The following MARCHF7 variants were observed in gnomAD, a reference collection of about 807,000 sequenced individuals.
The protein encoded by MARCHF7 is E3 ubiquitin-protein ligase MARCHF7.
In MARCHF7, 20 loss-of-function variants were observed where a neutral mutation model predicts 76.5. That is an observed-to-expected ratio of 0.26 (90% CI 0.18 to 0.38). The LOEUF (loss-of-function observed/expected upper bound fraction) is 0.38, where lower values mean the gene tolerates loss of function less well. Ranked by LOEUF, MARCHF7 falls within the 10% of genes least tolerant of loss-of-function variation. MARCHF7 has a pLI of 1.00. For synonymous variants in MARCHF7, 295 were observed against 293.0 expected (o/e 1.01, Z -0.07); for missense variants, 797 against 812.9 (o/e 0.98, Z 0.24).
Position 159,767,291 on chromosome 2 carries a change from G to A in MARCHF7, c.2064G>A (p.Glu688=), listed in dbSNP as rs1170570087. Residue 688 remains glutamate (E), a synonymous_variant, in exon 12 of 12, where the codon GAG becomes GAA. Transcript: ENST00000409175. ...QAHMEDLETS[E]DDSEEDGDHN... ...CCTGTTTTCTTTCAACAGCTTCAGAGGATGATTCCGAAGAAGACGGAGACC... is the reference window on the plus strand; with the variant it reads ...CCTGTTTTCTTTCAACAGCTTCAGAAGATGATTCCGAAGAAGACGGAGACC... The A allele has an allele frequency of 1.2e-6, 2 of 1,609,548 alleles. No homozygotes were observed. The highest frequency in any genetic ancestry group is 1.7e-6 in the Non-Finnish European group (2 of 1,177,056).
At position 159,729,155 on chromosome 2, in the gene MARCHF7, A is replaced by C; in HGVS notation, c.133A>C (p.Arg45=). The C allele has an allele frequency of 6.2e-7, 1 of 1,600,944 alleles. No individual in the cohort carries two copies. The highest frequency in any genetic ancestry group is 8.5e-7 in the Non-Finnish European group (1 of 1,175,832). Reference sequence around the variant, plus strand: ...CTATCACTCAAGAGACTCTTCATTTAGATTGGATTCTGAATATCAGGTAAC... The same window carrying C: ...CTATCACTCAAGAGACTCTTCATTTCGATTGGATTCTGAATATCAGGTAAC... ...DTYHSRDSSF[R]LDSEYQSTSA... The change falls in exon 4 of 12, where the codon AGA becomes CGA. Residue 45 remains arginine, a synonymous_variant. Transcript: ENST00000409175.
At chr2:159,759,963 G>A (rs971071895) in intron 9 of MARCHF7, among the ~76,000 whole-genome samples, 1 of 152,152 alleles carries the variant, frequency 6.6e-6, no homozygotes, top group Non-Finnish European at 1.5e-5. Context: ...CTTTTTAAAT[G>A]TAGGGGTAAT....
intron 4 of MARCHF7, among the ~76,000 whole-genome samples, chr2:159,740,208 C>T (rs1703965421): frequency 1.3e-5 from 2 of 152,148 alleles, no homozygotes; most frequent in African/African-American, 2.4e-5. Flanking sequence ...TTCCACATGC[C>T]TCTAAAAGTC....
intron 4 of MARCHF7, 34 bp downstream of exon 4, chr2:159,729,209 CT>C (rs1324296752): frequency 2.7e-5 from 41 of 1,495,054 alleles, no homozygotes; most frequent in Non-Finnish European, 3.6e-5. Context: ...TGTATACAGC[CT>C]TTTTCAAAAT....
At position 159,750,677 on chromosome 2, in the gene MARCHF7, T is replaced by C. The variant is rs977406001; in HGVS notation, c.1614-1725T>C. ...GAGATCTTAGTCCCAGCCTGACTCTTAATTTAGTCATCCTAGTCTAATTAC... is the reference window on the plus strand; with the variant it reads ...GAGATCTTAGTCCCAGCCTGACTCTCAATTTAGTCATCCTAGTCTAATTAC... On this transcript the variant is annotated intron_variant, in intron 7 of 11. Coordinates refer to ENST00000409175, the MANE Select transcript of MARCHF7 (RefSeq NM_001282805.2). 3.9e-5 allele frequency among the ~76,000 whole-genome samples: 6 copies of C among 152,264 alleles called. 1 individual carries two copies. The highest frequency in any genetic ancestry group is 1.4e-4 in the African/African-American group (6 of 41,578).
At position 159,768,355 on chromosome 2, in the gene MARCHF7, T is replaced by A. The variant is rs1187407898; in HGVS notation, c.*1013T>A. The A allele has an allele frequency of 2.0e-5, 3 of 152,640 alleles. No individual in the cohort carries two copies. Among genetic ancestry groups the A allele is most frequent in the Non-Finnish European group, 4.4e-5 (3 of 68,006 alleles). The allele number at this position is 152,640 out of a possible 1,614,324, so 9.5% of individuals were successfully genotyped here. A position where few individuals can be genotyped will look rare whatever the true frequency, so the allele number is the denominator to read the frequency against. ...TGAATGGATCTATACTGTGTGGTCATGAGTTGTGTATACTTCCATAACACT... is the reference window on the plus strand; with the variant it reads ...TGAATGGATCTATACTGTGTGGTCAAGAGTTGTGTATACTTCCATAACACT... On this transcript the variant is annotated 3_prime_UTR_variant, in exon 12 of 12. Transcript: ENST00000409175.
intron 4 of MARCHF7, chr2:159,733,941 T>G (rs1703132271): frequency 1.6e-6 from 2 of 1,254,048 alleles, no homozygotes; most frequent in South Asian, 6.9e-5. Flanking sequence ...GTTGATTTCC[T>G]AAATATCTTT....
At chr2:159,743,399 T>A in intron 5 of MARCHF7, 146 bp downstream of exon 5, 1 of 688,112 alleles carries the variant, frequency 1.5e-6, no homozygotes, top group Non-Finnish European at 2.4e-6. Context: ...TACTTTAAAT[T>A]AATGCTAGAA....
rs947201649 is a variant in MARCHF7, at chr2:159,733,187, T to C, written c.153+4012T>C. The C allele has an allele frequency of 3.4e-5, 27 of 794,354 alleles. No homozygotes were observed. In the African/African-American group the frequency reaches 4.9e-4, roughly 14 times the overall value. 49.2% of individuals were successfully genotyped at this position (794,354 alleles called of 1,614,324 possible). ...TCCAAATATTAAATTACATATAGTA[T>C]GTTTAGTTTTATTTAGCATTGTTAA... On this transcript the variant is annotated intron_variant, in intron 4 of 11. Transcript: ENST00000409175.
intron 11 of MARCHF7, among the ~76,000 whole-genome samples, chr2:159,764,878 C>T (rs1323491820): frequency 6.8e-6 from 1 of 148,122 alleles, no homozygotes; most frequent in East Asian, 2.0e-4. Context: ...GGTATGGAAG[C>T]ATGTAATTTT....
chr2:159,735,686 T>C (rs779728007), intron 4 of MARCHF7, among the ~76,000 whole-genome samples: 41 of 152,244 alleles, frequency 2.7e-4, no homozygotes, highest in Non-Finnish European at 4.4e-4. Context: ...CTGAATACTA[T>C]TTCATTGTAT....
At chr2:159,732,830 C>T (rs1269562892) in intron 4 of MARCHF7, 1 of 984,582 alleles carries the variant, frequency 1.0e-6, no homozygotes, top group East Asian at 1.1e-4. Flanking sequence ...TCATGCCTGG[C>T]CTGTATTTTA....
At position 159,748,810 on chromosome 2, in the gene MARCHF7, T is replaced by C; in HGVS notation, c.1520T>C (p.Ile507Thr). 2 of 1,614,192 alleles carry C rather than the reference T, an allele frequency of 1.2e-6. No homozygotes were observed. The highest frequency in any genetic ancestry group is 1.7e-6 in the Non-Finnish European group (2 of 1,180,040). Residue 507 changes from isoleucine to threonine, a missense_variant, in exon 7 of 12, where the codon ATT (isoleucine) becomes ACT (threonine). Physicochemically the swap from Ile to Thr is moderately conservative, Grantham distance 89. This residue lies in a region of MARCHF7 where 643 missense variants were observed against 631.5 expected (regional missense o/e 1.02). Transcript: ENST00000409175. ...TDNVMITVDIIPSGWNSADGK... is the reference protein window; with the variant it reads ...TDNVMITVDITPSGWNSADGK... Reference sequence around the variant, plus strand: ...AATGTCATGATCACAGTAGATATTATTCCTTCAGGTTGGAATTCAGCTGAT... The same window carrying C: ...AATGTCATGATCACAGTAGATATTACTCCTTCAGGTTGGAATTCAGCTGAT...
chr2:159,764,496 A>G (rs934472851), intron 10 of MARCHF7, 130 bp from the exon 11 acceptor site: 18 of 505,556 alleles, frequency 3.6e-5, no homozygotes, highest in Non-Finnish European at 6.0e-5. Flanking sequence ...TTAGGGGGAG[A>G]AAAACCCCTA....
chr2:159,721,906 A>T (rs10445720), intron 3 of MARCHF7, among the ~76,000 whole-genome samples: 12,188 of 152,226 alleles, frequency 0.08, 574 homozygotes, highest in African/African-American at 0.13. Flanking sequence ...AGCCCTGGTG[A>T]TAAGTTTCTT....
chr2:159,770,102 CTT>C lies in MARCHF7; in HGVS notation c.*2763_*2764del, dbSNP rs1209597937. ...CTCCTTTAAGAACTCCTTTAGAACT[CTT>C]TTAGTTCACATAATACGCCATATTT... On this transcript the variant is annotated 3_prime_UTR_variant, in exon 12 of 12. Coordinates refer to ENST00000409175, the MANE Select transcript of MARCHF7 (RefSeq NM_001282805.2). 2.7e-5 allele frequency: 4 copies of C among 147,462 alleles called. No individual in the cohort carries two copies. The highest frequency in any genetic ancestry group is 1.3e-4 in the Admixed American group (2 of 14,988). 9.1% of individuals were successfully genotyped at this position (147,462 alleles called of 1,614,324 possible).
intron 8 of MARCHF7, among the ~76,000 whole-genome samples, chr2:159,753,626 G>T (rs1228542113): frequency 1.3e-5 from 2 of 152,118 alleles, no homozygotes; most frequent in African/African-American, 4.8e-5. Flanking sequence ...CCAAATCTTG[G>T]ATTTAAATAT....
chr2:159,759,346 T>C lies in MARCHF7; in HGVS notation c.1893+11T>C. ...CATGCAAATGAACAAGTTAGTATAT[T>C]TTGCCTAATTTGGTAAGTGTCTATT... On this transcript the variant is annotated intron_variant, in intron 9 of 11. Transcript: ENST00000409175. The C allele has an allele frequency of 6.8e-7, 1 of 1,481,464 alleles. No homozygotes were observed. The highest frequency in any genetic ancestry group is 9.4e-7 in the Non-Finnish European group (1 of 1,067,006). The allele number at this position is 1,481,464 out of a possible 1,614,324, so 91.8% of individuals were successfully genotyped here.
At chr2:159,752,821 C>G (rs1443544297) in intron 8 of MARCHF7, among the ~76,000 whole-genome samples, 3 of 152,282 alleles carry the variant, frequency 2.0e-5, no homozygotes, top group Admixed American at 1.3e-4. Context: ...AATTTGTGAT[C>G]ACTAGTGTGT....
Sources: gnomAD v4.1 joint callset for allele counts (sites outside exome capture counted in the v4.1 genomes callset) on GRCh38, gnomAD v4.1.1 for gene constraint, gnomAD v4.1.1 regional missense constraint, MANE v1.5 for transcripts, NCBI Gene and HGNC (gene_info 2026-07-23, HGNC 2026-07-21) for gene names.